The following RIMS2 variants were observed in gnomAD, a reference collection of about 807,000 sequenced individuals.
The protein encoded by RIMS2 is regulating synaptic membrane exocytosis protein 2.
In RIMS2, 59 loss-of-function variants were observed where a neutral mutation model predicts 174.4. The observed-to-expected ratio is 0.34, with a 90% CI of 0.27 to 0.42. The LOEUF (loss-of-function observed/expected upper bound fraction) is 0.42. Ranked by LOEUF, RIMS2 falls within the 10% of genes least tolerant of loss-of-function variation. RIMS2 has a pLI of 1.00. For missense variants in RIMS2, 1,620 were observed against 1,666.3 expected, an observed-to-expected ratio of 0.97 and a Z score of 0.48; for synonymous variants, 606 against 572.5, an observed-to-expected ratio of 1.06 and a Z score of -0.84.
intron 2 of RIMS2, among the ~76,000 whole-genome samples, chr8:103,738,786 C>T (rs529528613): frequency 1.1e-4 from 16 of 152,228 alleles, no homozygotes; most frequent in African/African-American, 3.4e-4. Flanking sequence ...AAATGCTCAT[C>T]GTCACTGGCC....
At chr8:103,629,090 C>G (rs2135105797) in intron 1 of RIMS2, among the ~76,000 whole-genome samples, 1 of 152,292 alleles carries the variant, frequency 6.6e-6, no homozygotes, top group East Asian at 1.9e-4. Context: ...ATATTGCATC[C>G]TTGCCCTTCA....
At chr8:104,223,980 G>A (rs561890424) in intron 19 of RIMS2, among the ~76,000 whole-genome samples, 2 of 152,344 alleles carry the variant, frequency 1.3e-5, no homozygotes, top group Admixed American at 1.3e-4. Flanking sequence ...TGGTTATTTG[G>A]AGAGCTCCAC....
intron 4 of RIMS2, among the ~76,000 whole-genome samples, chr8:103,908,815 T>G (rs1242692358): frequency 6.6e-6 from 1 of 152,222 alleles, no homozygotes; most frequent in Non-Finnish European, 1.5e-5. Context: ...GTACTTATAT[T>G]CATCCTTTTT....
chr8:103,795,657 G>A (rs977876526), intron 3 of RIMS2, among the ~76,000 whole-genome samples: 31 of 151,990 alleles, frequency 2.0e-4, no homozygotes, highest in African/African-American at 6.5e-4. Flanking sequence ...ACCAGATGGC[G>A]AACATGCGTC....
At chr8:103,590,636 A>C (rs1481426527) in intron 1 of RIMS2, among the ~76,000 whole-genome samples, 1 of 121,376 alleles carries the variant, frequency 8.2e-6, no homozygotes, top group East Asian at 2.1e-4. Flanking sequence ...TTATACATTC[A>C]TGAATCTATC....
At chr8:103,882,223 A>G (rs535246538) in intron 3 of RIMS2, among the ~76,000 whole-genome samples, 3 of 151,646 alleles carry the variant, frequency 2.0e-5, no homozygotes, top group South Asian at 2.1e-4. Flanking sequence ...ATAAAGGCCA[A>G]TAGCAAAGAT....
chr8:103,792,297 T>A (rs766268601), intron 3 of RIMS2, among the ~76,000 whole-genome samples: 4 of 152,140 alleles, frequency 2.6e-5, no homozygotes, highest in Non-Finnish European at 5.9e-5. Flanking sequence ...ACATGGAAAC[T>A]GAACAACCTG....
chr8:103,677,372 A>G (rs2096828319), intron 1 of RIMS2, among the ~76,000 whole-genome samples: 1 of 152,210 alleles, frequency 6.6e-6, no homozygotes, highest in Non-Finnish European at 1.5e-5. Context: ...ACCTAGTCAG[A>G]CACCTTAGGC....
At chr8:103,508,321 C>A (rs1824673945) in intron 1 of RIMS2, among the ~76,000 whole-genome samples, 1 of 151,978 alleles carries the variant, frequency 6.6e-6, no homozygotes, top group Non-Finnish European at 1.5e-5. Context: ...ACAAGAGGAG[C>A]ACGTGATTCA....
chr8:103,944,848 G>A (rs56394923), intron 14 of RIMS2, among the ~76,000 whole-genome samples: 19,281 of 151,830 alleles, frequency 0.13, 1,693 homozygotes, highest in Non-Finnish European at 0.19. Flanking sequence ...AAAAACATGT[G>A]CATACACATA....
chr8:103,606,381 T>G (rs1425311023), intron 1 of RIMS2, among the ~76,000 whole-genome samples: 1 of 151,936 alleles, frequency 6.6e-6, no homozygotes, highest in Non-Finnish European at 1.5e-5. Context: ...TGTTATAATC[T>G]CTGTTCTTTT....
intron 19 of RIMS2, among the ~76,000 whole-genome samples, chr8:104,118,332 G>A (rs75229682): frequency 6.7e-6 from 1 of 148,496 alleles, no homozygotes; most frequent in Non-Finnish European, 1.5e-5. Context: ...AATTATTGGG[G>A]TTTTTTGTTT....
chr8:103,889,856 A>G (rs2099232142), intron 4 of RIMS2, among the ~76,000 whole-genome samples: 6 of 151,868 alleles, frequency 4.0e-5, no homozygotes, highest in Admixed American at 3.9e-4. Context: ...TGACTGGGCC[A>G]TTGTTTGTGT....
At chr8:104,009,290 GT>G (rs912583931) in intron 17 of RIMS2, among the ~76,000 whole-genome samples, 1,614 of 144,384 alleles carry the variant, frequency 0.011, 31 homozygotes, top group African/African-American at 0.038. Context: ...GTTTCTGCTG[GT>G]TTTTTTTTTT....
At chr8:103,526,925 G>A (rs890929881) in intron 1 of RIMS2, among the ~76,000 whole-genome samples, 4 of 152,068 alleles carry the variant, frequency 2.6e-5, no homozygotes, top group South Asian at 2.1e-4. Flanking sequence ...GCAAAACTAC[G>A]AAGGAGAAAT....
chr8:104,032,246 TA>T (rs1055131620), intron 19 of RIMS2, among the ~76,000 whole-genome samples: 3 of 152,086 alleles, frequency 2.0e-5, no homozygotes, highest in African/African-American at 7.2e-5. Context: ...TCTCTGGAGA[TA>T]AAAAATATCA....
Position 103,550,591 on chromosome 8 carries a change from G to C in RIMS2, c.176+49529G>C, listed in dbSNP as rs1314550717. ...ACATTCAAAAGCTAGCAGAAGGCAAGAAATAACTAAGATCAGAGCAGAACT... is the reference window on the plus strand; with the variant it reads ...ACATTCAAAAGCTAGCAGAAGGCAACAAATAACTAAGATCAGAGCAGAACT... On this transcript the variant is annotated intron_variant, in intron 1 of 23. Transcript: ENST00000504942. Among the ~76,000 whole-genome samples the C allele has an allele frequency of 2.0e-5, 3 of 151,848 alleles. No individual in the cohort carries two copies. In the East Asian group the frequency reaches 5.8e-4, roughly 29 times the overall value.
chr8:103,975,761 C>A, intron 16 of RIMS2: 1 of 284,600 alleles, frequency 3.5e-6, no homozygotes, highest in South Asian at 9.0e-5. Context: ...AGGCTTCAGT[C>A]TGTGGTCAAA....
At chr8:103,546,093 G>A (rs1314533502) in intron 1 of RIMS2, among the ~76,000 whole-genome samples, 3 of 152,064 alleles carry the variant, frequency 2.0e-5, no homozygotes, top group East Asian at 1.9e-4. Context: ...GGGGCAAGCT[G>A]GATAAAGAAA....
Sources: allele counts gnomAD v4.1 joint callset (sites outside exome capture counted in the v4.1 genomes callset), GRCh38; gene constraint gnomAD v4.1.1; transcripts MANE v1.5; gene names NCBI Gene and HGNC (gene_info 2026-07-23, HGNC 2026-07-21).